Variants in TRPV1 observed in about 807,000 individuals in gnomAD.
TRPV1 encodes OTRPC1.
In TRPV1, 82 loss-of-function variants were observed where a neutral mutation model predicts 82.3. That is an observed-to-expected ratio of 1.00 (90% CI 0.83 to 1.20). The LOEUF is 1.20. TRPV1 is among the 50% of genes most tolerant of loss of function. The pLI, the probability that TRPV1 is intolerant of heterozygous loss-of-function variation, is 0.00. For synonymous variants in TRPV1, 515 were observed against 467.7 expected, an observed-to-expected ratio of 1.10 and a Z score of -1.30; for missense variants, 1,067 against 1,096.8, an observed-to-expected ratio of 0.97 and a Z score of 0.38.
chr17:3,606,072 C>T lies in TRPV1; in HGVS notation c.-34+2355G>A, dbSNP rs527323660. Among the ~76,000 whole-genome samples, 3 of 152,298 alleles carry T rather than the reference C, an allele frequency of 2.0e-5. No individual in the cohort carries two copies. The East Asian group carries it at 5.8e-4, about 29-fold the overall frequency. On this transcript the variant is annotated intron_variant, in intron 2 of 16. Coordinates refer to ENST00000572705, the MANE Select transcript of TRPV1 (RefSeq NM_080704.4). ...CTTCCAGGCTCAAGCGATTCTCCTG[C>T]CTCAGCCTCCCAAGTAGCTGAGATT...
At chr17:3,588,859 T>A in intron 7 of TRPV1, 1 of 1,438,550 alleles carries the variant, frequency 7.0e-7, no homozygotes, top group Non-Finnish European at 9.3e-7. Flanking sequence ...ACCAGCCAGC[T>A]GCCTCAGATA....
intron 2 of TRPV1, among the ~76,000 whole-genome samples, chr17:3,606,437 T>C (rs2075296508): frequency 6.6e-6 from 1 of 152,180 alleles, no homozygotes; most frequent in Admixed American, 6.5e-5. Flanking sequence ...TAAAGACCTC[T>C]GCCCAGGAGT....
In TRPV1 at chr17:3,606,181, G is replaced by A. The variant is rs541618169; in HGVS notation, c.-34+2246C>T. 1.4e-4 allele frequency among the ~76,000 whole-genome samples: 22 copies of A among 152,164 alleles called. No homozygotes were observed. The South Asian group carries it at 2.3e-3, about 16-fold the overall frequency. On this transcript the variant is annotated intron_variant, in intron 2 of 16. Transcript: ENST00000572705. ...TCACCATGTTGGCCAGGCCGGTCTC[G>A]GAACTCCTGACCTCAAGTGATCCGC...
chr17:3,593,151 T>C (rs35408484), intron 2 of TRPV1, among the ~76,000 whole-genome samples: 55,835 of 149,338 alleles, frequency 0.37, 12,763 homozygotes, highest in African/African-American at 0.65. Flanking sequence ...TGTGTCTCAC[T>C]CTGTCGCCCA....
rs201825547 is a variant in TRPV1, at chr17:3,590,962, A to G, written c.604+2T>C. On this transcript the variant is annotated splice_donor_variant, in intron 5 of 16. Coordinates refer to ENST00000572705, the MANE Select transcript of TRPV1 (RefSeq NM_080704.4). LOFTEE classifies it high-confidence loss of function. ...CATGCCCGGCCCCGCCGCCCTCCTC[A>G]CCCTTGTAGTAGCTGTCCGTGTAGC... is the stretch of plus-strand genomic sequence containing the variant. The G allele has an allele frequency of 8.1e-6, 13 of 1,599,638 alleles. No homozygotes were observed. The highest frequency in any genetic ancestry group is 1.7e-5 in the Admixed American group (1 of 58,072).
At chr17:3,575,727 G>A (rs2074920631) in intron 13 of TRPV1, among the ~76,000 whole-genome samples, 1 of 152,122 alleles carries the variant, frequency 6.6e-6, no homozygotes, top group Non-Finnish European at 1.5e-5. Context: ...AAGTGAGACG[G>A]ACATCATGTG....
chr17:3,585,677 G>A lies in TRPV1; in HGVS notation c.1383+91C>T, dbSNP rs570508246. Reference sequence around the variant, plus strand: ...TGGGAAGGAGTCCAGGGCAGAGCCTGGGCCTGGGGTCGGGGAGGTCTCCCG... The same window carrying A: ...TGGGAAGGAGTCCAGGGCAGAGCCTAGGCCTGGGGTCGGGGAGGTCTCCCG... On this transcript the variant is annotated intron_variant, in intron 9 of 16. Coordinates refer to ENST00000572705, the MANE Select transcript of TRPV1 (RefSeq NM_080704.4). The A allele has an allele frequency of 5.4e-6, 8 of 1,469,934 alleles. No individual in the cohort carries two copies. In the Admixed American group the frequency reaches 1.3e-4, roughly 23 times the overall value. 91.1% of individuals were successfully genotyped at this position (1,469,934 alleles called of 1,614,324 possible).
chr17:3,588,181 C>A lies in TRPV1; in HGVS notation c.1224+7G>T. The A allele has an allele frequency of 6.4e-7, 1 of 1,552,624 alleles. No homozygotes were observed. Among genetic ancestry groups the A allele is most frequent in the Non-Finnish European group, 8.7e-7 (1 of 1,147,042 alleles). ...AGGCCCTCCCTGGCTGTGCCCCAGC[C>A]ACTCACAGGGGTCTCGCTGCTGCTG... On this transcript the variant is annotated splice_region_variant and intron_variant, in intron 8 of 16. Transcript: ENST00000572705.
chr17:3,600,494 C>T (rs1236182944), intron 2 of TRPV1, among the ~76,000 whole-genome samples: 1 of 152,168 alleles, frequency 6.6e-6, no homozygotes, highest in African/African-American at 2.4e-5. Context: ...GAGGCTGAGG[C>T]ACGAGAATCA....
At position 3,592,156 on chromosome 17, in the gene TRPV1, G is replaced by C. The variant is rs201702963; in HGVS notation, c.195C>G (p.His65Gln). ...GGCAGGAGTCCAGCTCACCTTCCTC[G>C]TGAGGGCAATCCACCGGGAAAGCCT... ...SEEAFPVDCP[H>Q]EEGELDSCPT... The change falls in exon 3 of 17, where the codon CAC becomes CAG. Residue 65 changes from histidine to glutamine, a missense_variant. By Grantham distance (24) the His-to-Gln change is conservative (BLOSUM62 0). Coordinates refer to ENST00000572705, the MANE Select transcript of TRPV1 (RefSeq NM_080704.4). 59 of 1,613,810 alleles carry C rather than the reference G, an allele frequency of 3.7e-5. No homozygotes were observed. The African/African-American group carries it at 6.9e-4, about 19-fold the overall frequency.
At position 3,590,942 on chromosome 17, in the gene TRPV1, C is replaced by A. The variant is rs199738669; in HGVS notation, c.604+22G>T. The stretch of plus-strand genomic sequence containing the variant: ...CCCGGTGCTGCGGGCTGAGCCATGC[C>A]CGGCCCCGCCGCCCTCCTCACCCTT... On this transcript the variant is annotated intron_variant, in intron 5 of 16. Coordinates refer to ENST00000572705, the MANE Select transcript of TRPV1 (RefSeq NM_080704.4). 5.7e-6 allele frequency: 9 copies of A among 1,568,888 alleles called. No homozygotes were observed. In the East Asian group the frequency reaches 2.1e-4, roughly 36 times the overall value.
In TRPV1 at chr17:3,586,270, GC is replaced by G. The variant is rs2075084095; in HGVS notation, c.1225-345del. 2.6e-5 allele frequency among the ~76,000 whole-genome samples: 4 copies of G among 152,238 alleles called. No homozygotes were observed. In the South Asian group the frequency reaches 8.3e-4, roughly 32 times the overall value. On this transcript the variant is annotated intron_variant, in intron 8 of 16. Coordinates refer to ENST00000572705, the MANE Select transcript of TRPV1 (RefSeq NM_080704.4). The stretch of plus-strand genomic sequence containing the variant: ...AGCCCACAGTAATGGGAAGTAGTTG[GC>G]TTAGGCAGAGCCTGGGCATGAGGGG...
intron 10 of TRPV1, among the ~76,000 whole-genome samples, chr17:3,581,754 ACGCACC>A (rs2075015618): frequency 7.2e-6 from 1 of 138,912 alleles, no homozygotes. Context: ...GCGCGGTGGC[ACGCACC>A]TGTAGTCCCA....
At chr17:3,581,078 G>C in intron 10 of TRPV1, among the ~76,000 whole-genome samples, 1 of 151,746 alleles carries the variant, frequency 6.6e-6, no homozygotes, top group East Asian at 1.9e-4. Context: ...CAGACAGGAA[G>C]GAAAATCATT....
In TRPV1 at chr17:3,585,738, C is replaced by T. The variant is rs200748091; in HGVS notation, c.1383+30G>A. 449 of 1,602,560 alleles carry T rather than the reference C, an allele frequency of 2.8e-4. 2 individuals are homozygous for T. The African/African-American group carries it at 4.2e-3, about 15-fold the overall frequency. ...ACCCCTTCCCCACCACCCACACCCTCGCCCACGAGGCCTGAGCCTCTGGCC... is the reference window on the plus strand; with the variant it reads ...ACCCCTTCCCCACCACCCACACCCTTGCCCACGAGGCCTGAGCCTCTGGCC... On this transcript the variant is annotated intron_variant, in intron 9 of 16. Coordinates refer to ENST00000572705, the MANE Select transcript of TRPV1 (RefSeq NM_080704.4).
At chr17:3,594,992 G>T (rs2075205343) in intron 2 of TRPV1, among the ~76,000 whole-genome samples, 1 of 152,154 alleles carries the variant, frequency 6.6e-6, no homozygotes, top group Admixed American at 6.5e-5. Flanking sequence ...TAACTCCAAG[G>T]AATTGAAAGC....
chr17:3,586,623 T>G (rs1023772597), intron 8 of TRPV1, among the ~76,000 whole-genome samples: 3 of 151,914 alleles, frequency 2.0e-5, no homozygotes, highest in Non-Finnish European at 4.4e-5. Context: ...ATACAAAAAT[T>G]AGCCAGGCAT....
chr17:3,596,310 T>C (rs865778579), intron 2 of TRPV1, among the ~76,000 whole-genome samples: 10 of 152,042 alleles, frequency 6.6e-5, no homozygotes, highest in South Asian at 2.1e-4. Context: ...CATCCATCCA[T>C]CCATCCATCC....
At chr17:3,575,427 G>A (rs539498055) in intron 13 of TRPV1, among the ~76,000 whole-genome samples, 1 of 151,870 alleles carries the variant, frequency 6.6e-6, no homozygotes, top group African/African-American at 2.4e-5. Flanking sequence ...AGGTTGCAGT[G>A]AGCAGAGATG....
Sources: gnomAD v4.1 joint callset for allele counts (sites outside exome capture counted in the v4.1 genomes callset) on GRCh38, gnomAD v4.1.1 for gene constraint, MANE v1.5 for transcripts, NCBI Gene and HGNC (gene_info 2026-07-23, HGNC 2026-07-21) for gene names.